The following FAM135B variants were observed in gnomAD, a reference collection of about 807,000 sequenced individuals.
The protein encoded by FAM135B is protein FAM135B.
FAM135B carries 43 observed loss-of-function variants against 127.7 expected under a neutral mutation model. The ratio of observed to expected loss-of-function variants is 0.34; its 90% CI spans 0.26 to 0.43. FAM135B has a LOEUF of 0.43. FAM135B is among the 20% of genes least tolerant of loss of function. The pLI is 1.00. For missense variants in FAM135B, 1,558 were observed against 1,725.6 expected, an observed-to-expected ratio of 0.90 and a Z score of 1.72; for synonymous variants, 670 against 665.1, an observed-to-expected ratio of 1.01 and a Z score of -0.11.
At chr8:138,480,376 C>G (rs149859256) in intron 1 of FAM135B, among the ~76,000 whole-genome samples, 99 of 152,254 alleles carry the variant, frequency 6.5e-4, no homozygotes, top group African/African-American at 2.3e-3. Flanking sequence ...TGGGATCGCT[C>G]TGTTTCTGTA....
chr8:138,231,091 G>A (rs183118653), intron 7 of FAM135B, among the ~76,000 whole-genome samples: 323 of 152,136 alleles, frequency 2.1e-3, no homozygotes, highest in African/African-American at 7.6e-3. Context: ...GTGTAGTGGT[G>A]CAATCTCAGC....
rs141323654 is a variant in FAM135B at position 138,254,069 on chromosome 8, G to A, written c.368+2620C>T. On this transcript the variant is annotated intron_variant, in intron 5 of 19. Coordinates refer to ENST00000395297, the MANE Select transcript of FAM135B (RefSeq NM_015912.4). ...ACTTCCAACTAGGAAGCCATAAAGA[G>A]GAAGAAGACATTTATTCATCAGATT... 1.8e-3 allele frequency among the ~76,000 whole-genome samples: 276 copies of A among 152,244 alleles called. 2 individuals carry two copies. The highest frequency in any genetic ancestry group is 6.3e-3 in the African/African-American group (263 of 41,534).
chr8:138,264,280 G>T (rs74372700), intron 4 of FAM135B, among the ~76,000 whole-genome samples: 1,908 of 152,260 alleles, frequency 0.013, 36 homozygotes, highest in East Asian at 0.089. Flanking sequence ...GTCCTCCAGG[G>T]AATAATCATC....
At chr8:138,464,907 T>C (rs1837309276) in intron 1 of FAM135B, among the ~76,000 whole-genome samples, 1 of 152,182 alleles carries the variant, frequency 6.6e-6, no homozygotes, top group Non-Finnish European at 1.5e-5. Context: ...CTGGCCATAT[T>C]TTAAGACTTT....
intron 4 of FAM135B, 55 bp from the exon 5 acceptor site, chr8:138,256,814 A>G (rs1822134289): frequency 1.0e-5 from 14 of 1,339,024 alleles, no homozygotes; most frequent in African/African-American, 1.4e-5. Flanking sequence ...GTCCAAATGA[A>G]ATACTTAGCT....
chr8:138,376,117 A>AT (rs1427075595), intron 1 of FAM135B, among the ~76,000 whole-genome samples: 1 of 151,836 alleles, frequency 6.6e-6, no homozygotes. Flanking sequence ...TAATTTTTAT[A>AT]TTTTTAGTAG....
chr8:138,252,818 G>T (rs952867428), intron 5 of FAM135B, among the ~76,000 whole-genome samples: 6 of 152,160 alleles, frequency 3.9e-5, no homozygotes, highest in African/African-American at 1.4e-4. Context: ...TGGAGATGGA[G>T]TCTCACTCTG....
chr8:138,297,280 C>A (rs979034637), intron 3 of FAM135B, among the ~76,000 whole-genome samples: 3 of 152,180 alleles, frequency 2.0e-5, no homozygotes, highest in African/African-American at 7.2e-5. Context: ...AATTCCGTGA[C>A]AAGGGCTTGC....
At chr8:138,436,860 T>C (rs1362087714) in intron 1 of FAM135B, 2 of 152,196 alleles carry the variant, frequency 1.3e-5, no homozygotes, top group South Asian at 2.1e-4. Context: ...CATAGAGCTG[T>C]TGTAGAATAA....
intron 9 of FAM135B, among the ~76,000 whole-genome samples, chr8:138,193,979 T>G (rs1387204542): frequency 6.6e-6 from 1 of 152,160 alleles, no homozygotes; most frequent in Non-Finnish European, 1.5e-5. Context: ...ATGAGAGCTG[T>G]AGCCATCTAG....
intron 3 of FAM135B, among the ~76,000 whole-genome samples, chr8:138,303,057 C>T (rs541073961): frequency 1.3e-5 from 2 of 152,290 alleles, no homozygotes; most frequent in South Asian, 2.1e-4. Flanking sequence ...ACCAGAAATA[C>T]CATTTGCCCT....
intron 11 of FAM135B, among the ~76,000 whole-genome samples, chr8:138,174,700 T>C (rs1814269096): frequency 1.3e-5 from 2 of 152,314 alleles, no homozygotes; most frequent in East Asian, 1.9e-4. Context: ...AACATTACAA[T>C]CTCCTAGGGA....
intron 1 of FAM135B, among the ~76,000 whole-genome samples, chr8:138,374,516 C>T (rs114817434): frequency 6.6e-6 from 1 of 152,182 alleles, no homozygotes. Context: ...GCACTCCATT[C>T]CTAACCTGGC....
intron 11 of FAM135B, 83 bp downstream of exon 11, chr8:138,177,264 G>T: frequency 7.8e-7 from 1 of 1,289,604 alleles, no homozygotes; most frequent in Non-Finnish European, 1.1e-6. Flanking sequence ...TTCACTTCCA[G>T]TGAGAAAGTG....
At chr8:138,431,484 T>C (rs1182592154) in intron 1 of FAM135B, among the ~76,000 whole-genome samples, 1 of 152,220 alleles carries the variant, frequency 6.6e-6, no homozygotes, top group African/African-American at 2.4e-5. Context: ...CAACTGCTTT[T>C]GTAAATAAAG....
rs372867579 is a variant in FAM135B, at chr8:138,300,082, T to A, written c.157+10759A>T. On this transcript the variant is annotated intron_variant, in intron 3 of 19. Transcript: ENST00000395297. ...TCCCGGGTTCAAGTGATTCTTGTGC[T>A]TCAGCCTCCCGAGTAGCTGGGATTA... Among the ~76,000 whole-genome samples, 45 of 152,082 alleles carry A rather than the reference T, an allele frequency of 3.0e-4. 2 individuals carry two copies. Among genetic ancestry groups the A allele is most frequent in the African/African-American group, 1.1e-3 (45 of 41,480 alleles).
chr8:138,237,380 T>C (rs1421406048), intron 7 of FAM135B, among the ~76,000 whole-genome samples: 2 of 152,036 alleles, frequency 1.3e-5, no homozygotes, highest in African/African-American at 2.4e-5. Flanking sequence ...AGGCTGTTCT[T>C]GAACTCCTGA....
At chr8:138,151,159 T>TTTTC in intron 13 of FAM135B, 35 bp downstream of exon 13, 1 of 1,455,224 alleles carries the variant, frequency 6.9e-7, no homozygotes, top group South Asian at 1.5e-5. Context: ...TCTAAAAGAC[T>TTTTC]GTTGTGGGAA....
chr8:138,245,139 A>G (rs1390095834), intron 6 of FAM135B, among the ~76,000 whole-genome samples: 1 of 152,224 alleles, frequency 6.6e-6, no homozygotes, highest in African/African-American at 2.4e-5. Context: ...TCTAGCCCTT[A>G]CTGTGAATTT....
Sources: gnomAD v4.1 joint callset for allele counts (sites outside exome capture counted in the v4.1 genomes callset) on GRCh38, gnomAD v4.1.1 for gene constraint, MANE v1.5 for transcripts, NCBI Gene and HGNC (gene_info 2026-07-23, HGNC 2026-07-21) for gene names.